The following CDH18 variants were observed in gnomAD, a reference collection of about 807,000 sequenced individuals.
CDH18 encodes the protein cadherin-18.
A neutral mutation model predicts 67.9 loss-of-function variants in CDH18; 31 were observed. The ratio of observed to expected loss-of-function variants is 0.46; its 90% CI spans 0.34 to 0.62. The LOEUF is 0.62. Ranked by LOEUF, CDH18 falls within the 20% of genes least tolerant of loss-of-function variation. The pLI is 0.01. For synonymous variants in CDH18, 362 were observed against 347.2 expected (o/e 1.04, Z -0.48); for missense variants, 890 against 975.5 (o/e 0.91, Z 1.17).
At position 19,503,800 on chromosome 5, in the gene CDH18, G is replaced by A. The variant is rs546958333; in HGVS notation, c.1513-691C>T. Among the ~76,000 whole-genome samples the A allele has an allele frequency of 3.3e-5, 5 of 152,096 alleles. No individual in the cohort carries two copies. The East Asian group carries it at 9.7e-4, about 29-fold the overall frequency. ...ATTTATGGTGGCCCAAGAGAAGAAC[G>A]TGCATTTCAATAGGTATGGCCAGTC... On this transcript the variant is annotated intron_variant, in intron 10 of 12. Transcript: ENST00000382275.
chr5:20,256,966 C>CTAATCTATCTA (rs1744288454), intron 1 of CDH18, among the ~76,000 whole-genome samples: 2 of 106,438 alleles, frequency 1.9e-5, no homozygotes, highest in Non-Finnish European at 4.6e-5. Flanking sequence ...TCTATCTAAT[C>CTAATCTATCTA]TATCTATATC....
chr5:20,096,415 G>C (rs778430634), intron 2 of CDH18, among the ~76,000 whole-genome samples: 4 of 151,796 alleles, frequency 2.6e-5, no homozygotes, highest in Non-Finnish European at 5.9e-5. Context: ...CTTTGACCAA[G>C]GAAAAATTGT....
Position 20,313,936 on chromosome 5 carries a change from T to TAC in CDH18, c.-579-58433_-579-58432dup, listed in dbSNP as rs568031078. Among the ~76,000 whole-genome samples the TAC allele has an allele frequency of 3.2e-4, 49 of 152,168 alleles. No individual in the cohort carries two copies. In the South Asian group the frequency reaches 9.3e-3, roughly 29 times the overall value. Reference sequence around the variant, plus strand: ...TGTACATTGCTGCCAAAATACGAGTTACATATTTTGACAGGCACTCTGATG... The same window carrying TAC: ...TGTACATTGCTGCCAAAATACGAGTTACACATATTTTGACAGGCACTCTGATG... On this transcript the variant is annotated intron_variant, in intron 1 of 14. Coordinates refer to the CDH18 transcript ENST00000507958.
chr5:20,322,525 A>G (rs969973432), intron 1 of CDH18, among the ~76,000 whole-genome samples: 4 of 152,216 alleles, frequency 2.6e-5, no homozygotes, highest in Middle Eastern at 3.4e-3. Flanking sequence ...TCTCTTCCTC[A>G]GTTTACATGT....
At chr5:20,122,812 A>G (rs1052034581) in intron 2 of CDH18, among the ~76,000 whole-genome samples, 2 of 141,662 alleles carry the variant, frequency 1.4e-5, no homozygotes, top group African/African-American at 2.5e-5. Context: ...AATACAAAGT[A>G]TATATATATA....
At chr5:19,643,669 G>A (rs551727057) in intron 5 of CDH18, among the ~76,000 whole-genome samples, 1 of 152,240 alleles carries the variant, frequency 6.6e-6, no homozygotes, top group African/African-American at 2.4e-5. Flanking sequence ...ACTAGTGGCT[G>A]TTCACAGGTA....
intron 4 of CDH18, among the ~76,000 whole-genome samples, chr5:19,724,050 A>G (rs1454888055): frequency 6.6e-6 from 1 of 152,132 alleles, no homozygotes. Flanking sequence ...TGTTCACAGA[A>G]AAACCTGCTT....
At chr5:20,305,315 T>A in intron 1 of CDH18, 2 of 1,569,430 alleles carry the variant, frequency 1.3e-6, no homozygotes, top group East Asian at 4.5e-5. Flanking sequence ...AATCCAACAT[T>A]TCTGCGCTTT....
Position 19,896,498 on chromosome 5 carries a change from G to T in CDH18, c.-256-57256C>A, listed in dbSNP as rs544804380. Among the ~76,000 whole-genome samples the T allele has an allele frequency of 5.9e-5, 9 of 152,312 alleles. No homozygotes were observed. In the South Asian group the frequency reaches 1.4e-3, roughly 25 times the overall value. ...GAGGCTGTGTGATCACAGAGGAAGA[G>T]ATTGGCATGCAATGACACCAGCCAC... On this transcript the variant is annotated intron_variant, in intron 2 of 12. Transcript: ENST00000382275.
At chr5:19,690,582 A>G (rs965116090) in intron 5 of CDH18, among the ~76,000 whole-genome samples, 2 of 151,708 alleles carry the variant, frequency 1.3e-5, no homozygotes, top group Non-Finnish European at 3.0e-5. Flanking sequence ...TAATAAATTC[A>G]GAAACATAAA....
chr5:20,327,877 AAATAATAAC>A (rs1738752583), intron 1 of CDH18, among the ~76,000 whole-genome samples: 1 of 152,078 alleles, frequency 6.6e-6, no homozygotes, highest in South Asian at 2.1e-4. Flanking sequence ...GTCTCTACAA[AAATAATAAC>A]AATAATAACA....
At chr5:20,078,634 C>T (rs13185851) in intron 2 of CDH18, among the ~76,000 whole-genome samples, 149,663 of 152,076 alleles carry the variant, frequency 0.98, 73,700 homozygotes, top group Middle Eastern at 1. Flanking sequence ...AGAGTCTCAC[C>T]CTGTCACCCA....
intron 1 of CDH18, among the ~76,000 whole-genome samples, chr5:20,370,904 G>T (rs1180252094): frequency 6.6e-6 from 1 of 151,980 alleles, no homozygotes; most frequent in Non-Finnish European, 1.5e-5. Flanking sequence ...GGGTGTGGTG[G>T]CAGGCATCTG....
At chr5:20,368,138 G>T (rs1175196646) in intron 1 of CDH18, among the ~76,000 whole-genome samples, 1 of 152,276 alleles carries the variant, frequency 6.6e-6, no homozygotes, top group Admixed American at 6.5e-5. Context: ...AATATTGAAA[G>T]CTTCTATGTC....
intron 5 of CDH18, among the ~76,000 whole-genome samples, chr5:19,629,976 G>T (rs1423730635): frequency 1.3e-5 from 2 of 151,884 alleles, no homozygotes; most frequent in Non-Finnish European, 2.9e-5. Flanking sequence ...TCACTCCATC[G>T]TACAGGCTGG....
At chr5:19,549,675 G>A (rs1319066159) in intron 8 of CDH18, among the ~76,000 whole-genome samples, 1 of 141,348 alleles carries the variant, frequency 7.1e-6, no homozygotes, top group East Asian at 2.2e-4. Context: ...AGGGAGGGAG[G>A]GAAAGAAGAA....
chr5:19,997,163 A>G (rs1736083205), intron 2 of CDH18, among the ~76,000 whole-genome samples: 1 of 152,116 alleles, frequency 6.6e-6, no homozygotes, highest in Non-Finnish European at 1.5e-5. Flanking sequence ...GACACCTAAA[A>G]TAGAAACTGA....
At chr5:19,654,187 T>C (rs1755993456) in intron 5 of CDH18, among the ~76,000 whole-genome samples, 1 of 152,108 alleles carries the variant, frequency 6.6e-6, no homozygotes. Context: ...AAAAATAGAA[T>C]GGGTGCATTT....
chr5:19,582,677 C>A (rs550803643), intron 7 of CDH18, among the ~76,000 whole-genome samples: 74 of 151,958 alleles, frequency 4.9e-4, no homozygotes, highest in African/African-American at 1.7e-3. Context: ...TGTAAGCAGT[C>A]CATTAGAATT....
Sources: allele counts gnomAD v4.1 joint callset (sites outside exome capture counted in the v4.1 genomes callset), GRCh38; gene constraint gnomAD v4.1.1; transcripts MANE v1.5; gene names NCBI Gene and HGNC (gene_info 2026-07-23, HGNC 2026-07-21).